Variants in NBEA observed in about 807,000 individuals in gnomAD.
NBEA encodes the protein lysosomal-trafficking regulator 2.
In NBEA, 44 loss-of-function variants were observed where a neutral mutation model predicts 343.4. The observed-to-expected ratio is 0.13, with a 90% confidence interval of 0.10 to 0.16. The LOEUF (loss-of-function observed/expected upper bound fraction) is 0.16. Ranked by LOEUF, NBEA falls within the 10% of genes least tolerant of loss-of-function variation. The pLI is 1.00. For synonymous variants in NBEA, 1,175 were observed against 1,238.7 expected, an observed-to-expected ratio of 0.95 and a Z score of 1.08; for missense variants, 2,555 against 3,631.3, an observed-to-expected ratio of 0.70 and a Z score of 7.62.
chr13:35,659,696 A>G (rs1471244904), intron 55 of NBEA, among the ~76,000 whole-genome samples: 1 of 152,210 alleles, frequency 6.6e-6, no homozygotes, highest in Non-Finnish European at 1.5e-5. Flanking sequence ...TGCAGGTTAG[A>G]GTTGAATTAT....
At chr13:35,078,006 G>A (rs1480742620) in intron 10 of NBEA, among the ~76,000 whole-genome samples, 1 of 152,184 alleles carries the variant, frequency 6.6e-6, no homozygotes, top group African/African-American at 2.4e-5. Flanking sequence ...CAGTGAATTA[G>A]GGAGGAGATT....
At chr13:35,601,761 C>CAAAAAAAAAAAAAAAAAAAA (rs869213180) in intron 47 of NBEA, among the ~76,000 whole-genome samples, 3 of 114,932 alleles carry the variant, frequency 2.6e-5, no homozygotes, top group African/African-American at 7.3e-5. Flanking sequence ...GACTCCATCG[C>CAAAAAAAAAAAAAAAAAAAA]AAAAAAAAAA....
At chr13:35,416,530 G>C (rs969352632) in intron 38 of NBEA, among the ~76,000 whole-genome samples, 2 of 152,092 alleles carry the variant, frequency 1.3e-5, no homozygotes, top group Admixed American at 1.3e-4. Context: ...TTATATGATG[G>C]ATTACATTTA....
intron 46 of NBEA, among the ~76,000 whole-genome samples, chr13:35,590,146 T>C (rs2081469742): frequency 6.6e-6 from 1 of 152,216 alleles, no homozygotes; most frequent in South Asian, 2.1e-4. Context: ...TAATCCTCTA[T>C]GTTAGTCAGA....
intron 41 of NBEA, among the ~76,000 whole-genome samples, chr13:35,545,694 T>C (rs575464967): frequency 8.5e-5 from 13 of 152,296 alleles, no homozygotes; most frequent in Non-Finnish European, 1.8e-4. Context: ...CAAGTCAAAA[T>C]TGCTTAGCCT....
At chr13:35,600,915 G>A (rs1156984612) in intron 47 of NBEA, among the ~76,000 whole-genome samples, 1 of 152,112 alleles carries the variant, frequency 6.6e-6, no homozygotes, top group South Asian at 2.1e-4. Context: ...GGTGGTTCAT[G>A]CCTGTAATCA....
At chr13:35,435,186 A>T (rs1266069781) in intron 39 of NBEA, among the ~76,000 whole-genome samples, 1 of 151,846 alleles carries the variant, frequency 6.6e-6, no homozygotes, top group African/African-American at 2.4e-5. Flanking sequence ...AACTCTTTTG[A>T]ATTTTTAGTA....
intron 34 of NBEA, among the ~76,000 whole-genome samples, chr13:35,279,302 T>C (rs1034583071): frequency 1.3e-5 from 2 of 152,202 alleles, no homozygotes; most frequent in African/African-American, 2.4e-5. Flanking sequence ...CATTAATCTT[T>C]ACTAGCAAGG....
At chr13:35,337,491 A>G (rs1007362966) in intron 36 of NBEA, among the ~76,000 whole-genome samples, 3 of 152,126 alleles carry the variant, frequency 2.0e-5, no homozygotes, top group Non-Finnish European at 2.9e-5. Flanking sequence ...AGAGACCCCT[A>G]AAATATATCA....
chr13:35,248,755 G>A (rs993892275), intron 34 of NBEA, among the ~76,000 whole-genome samples: 8 of 152,124 alleles, frequency 5.3e-5, no homozygotes, highest in African/African-American at 1.9e-4. Flanking sequence ...GAATGTTGTT[G>A]GGCCCTTACC....
chr13:35,535,929 A>G lies in NBEA; in HGVS notation c.6586-14548A>G, dbSNP rs539673808. ...CATTCATACTGCCTTAGGTAGATAC[A>G]CAGTAAAATAGACCCAATCAAAAGG... On this transcript the variant is annotated intron_variant, in intron 41 of 58. Transcript: ENST00000379939. 3.8e-4 allele frequency among the ~76,000 whole-genome samples: 58 copies of G among 152,340 alleles called. 1 individual carries two copies. The highest frequency in any genetic ancestry group is 6.5e-4 in the Non-Finnish European group (44 of 68,030).
chr13:35,494,125 G>T (rs2076592574), intron 41 of NBEA, among the ~76,000 whole-genome samples: 1 of 151,842 alleles, frequency 6.6e-6, no homozygotes, highest in Non-Finnish European at 1.5e-5. Context: ...CCAATGATAA[G>T]TAAGAAAATA....
At chr13:35,286,208 C>T (rs2035414482) in intron 34 of NBEA, among the ~76,000 whole-genome samples, 1 of 152,012 alleles carries the variant, frequency 6.6e-6, no homozygotes. Context: ...GCACATTAGA[C>T]AATATGTTTG....
chr13:35,414,700 T>C (rs1306096363), intron 38 of NBEA, among the ~76,000 whole-genome samples: 1 of 152,196 alleles, frequency 6.6e-6, no homozygotes, highest in Non-Finnish European at 1.5e-5. Context: ...TACGTGTGCA[T>C]GTGTCTTTAT....
intron 34 of NBEA, among the ~76,000 whole-genome samples, chr13:35,278,420 A>G (rs1261533489): frequency 6.6e-6 from 1 of 152,172 alleles, no homozygotes; most frequent in Admixed American, 6.5e-5. Context: ...AATCCCTGCT[A>G]AAAGTATTAA....
At chr13:35,657,314 C>T (rs558868189) in intron 55 of NBEA, among the ~76,000 whole-genome samples, 4 of 152,194 alleles carry the variant, frequency 2.6e-5, no homozygotes, top group African/African-American at 7.2e-5. Context: ...ATTGTACATA[C>T]GAGTCTCTGT....
chr13:35,209,892 C>T (rs2073650435), intron 32 of NBEA, among the ~76,000 whole-genome samples: 1 of 151,994 alleles, frequency 6.6e-6, no homozygotes, highest in Non-Finnish European at 1.5e-5. Context: ...AATAGACCAT[C>T]TATTGTTTAC....
chr13:35,171,840 A>G lies in NBEA; in HGVS notation c.4423+388A>G, dbSNP rs1593600067. Among the ~76,000 whole-genome samples the G allele has an allele frequency of 7.9e-5, 12 of 152,084 alleles. No individual in the cohort carries two copies. The South Asian group carries it at 1.7e-3, about 21-fold the overall frequency. ...GGCCTCACAAACATGTCAGATACAC[A>G]TAATGCTAGAAGGTTAAAATAAACT... On this transcript the variant is annotated intron_variant, in intron 26 of 58. Transcript: ENST00000379939.
chr13:35,657,664 A>G (rs1261487238), intron 55 of NBEA, among the ~76,000 whole-genome samples: 5 of 152,174 alleles, frequency 3.3e-5, no homozygotes, highest in African/African-American at 1.2e-4. Context: ...CTTTATTTCC[A>G]TAATAGTGTA....
Sources: gnomAD v4.1 joint callset for allele counts (sites outside exome capture counted in the v4.1 genomes callset) on GRCh38, gnomAD v4.1.1 for gene constraint, MANE v1.5 for transcripts, NCBI Gene and HGNC (gene_info 2026-07-23, HGNC 2026-07-21) for gene names.